The following TENT4B variants were observed in gnomAD, a reference collection of about 807,000 sequenced individuals.
TENT4B encodes the protein terminal nucleotidyltransferase 4B, also known as PAP associated domain containing 5.
TENT4B carries 10 observed loss-of-function variants against 75.0 expected under a neutral mutation model. That is an observed-to-expected ratio of 0.13 (90% CI 0.08 to 0.23). TENT4B has a LOEUF of 0.23. TENT4B is among the 10% of genes least tolerant of loss of function. The pLI, the probability that TENT4B is intolerant of heterozygous loss-of-function variation, is 1.00. For synonymous variants in TENT4B, 350 were observed against 357.7 expected (o/e 0.98, Z 0.24); for missense variants, 579 against 893.8 (o/e 0.65, Z 4.49).
intron 1 of TENT4B, among the ~76,000 whole-genome samples, chr16:50,203,551 A>G (rs1472176642): frequency 6.6e-6 from 1 of 152,246 alleles, no homozygotes; most frequent in Non-Finnish European, 1.5e-5. Context: ...CTCTGTGCAC[A>G]TGCAGACTTC....
intron 1 of TENT4B, among the ~76,000 whole-genome samples, chr16:50,192,722 A>G (rs1352394257): frequency 6.6e-6 from 1 of 152,274 alleles, no homozygotes; most frequent in South Asian, 2.1e-4. Flanking sequence ...GTACACTGTA[A>G]TTTGAATTGC....
At position 50,172,497 on chromosome 16, in the gene TENT4B, A is replaced by G. The variant is rs75839821; in HGVS notation, c.638+18238A>G. On this transcript the variant is annotated intron_variant, in intron 1 of 11. Transcript: ENST00000561678. ...TGGAGGGTTGACTATATATTTTAAT[A>G]GAATTTATTACTTTTTTTTTTTTTT... Among the ~76,000 whole-genome samples the G allele has an allele frequency of 2.1e-3, 267 of 127,378 alleles. 5 individuals carry two copies. In the East Asian group the frequency reaches 0.054, roughly 26 times the overall value. The allele number at this position is 127,378 out of a possible 152,430, so 83.6% of individuals were successfully genotyped here. A position where few individuals can be genotyped will look rare whatever the true frequency, so the allele number is the denominator to read the frequency against.
At chr16:50,189,489 C>G (rs2038598514) in intron 1 of TENT4B, among the ~76,000 whole-genome samples, 2 of 152,166 alleles carry the variant, frequency 1.3e-5, no homozygotes, top group African/African-American at 4.8e-5. Flanking sequence ...CCAGACAGGT[C>G]TGGGGGCAAA....
At chr16:50,187,898 G>C (rs1375956373) in intron 1 of TENT4B, among the ~76,000 whole-genome samples, 1 of 151,942 alleles carries the variant, frequency 6.6e-6, no homozygotes, top group Non-Finnish European at 1.5e-5. Context: ...AACCTCTGAT[G>C]CATAAAATAT....
chr16:50,229,515 AC>A lies in TENT4B; in HGVS notation c.*188del. ...ACAACTGCAAAAAAAACAAAACAAA[AC>A]AAAAAAAAAAGCAAGCAAAAAAGAG... On this transcript the variant is annotated 3_prime_UTR_variant, in exon 12 of 12. Transcript: ENST00000561678. The A allele has an allele frequency of 1.6e-6, 2 of 1,244,830 alleles. No individual in the cohort carries two copies. Among genetic ancestry groups the A allele is most frequent in the Non-Finnish European group, 2.0e-6 (2 of 996,692 alleles). 77.1% of individuals were successfully genotyped at this position (1,244,830 alleles called of 1,614,324 possible).
At chr16:50,218,325 G>A (rs546516444) in intron 5 of TENT4B, among the ~76,000 whole-genome samples, 1 of 151,854 alleles carries the variant, frequency 6.6e-6, no homozygotes, top group South Asian at 2.1e-4. Flanking sequence ...TGTGCGGGCA[G>A]TGAGCTGCAC....
rs1013035257 is a variant in TENT4B, at chr16:50,230,026, G to A, written c.*698G>A. The A allele has an allele frequency of 7.1e-6, 7 of 984,076 alleles. No homozygotes were observed. The African/African-American group carries it at 1.2e-4, about 17-fold the overall frequency. The allele number at this position is 984,076 out of a possible 1,614,324, so 61.0% of individuals were successfully genotyped here. A position where few individuals can be genotyped will look rare whatever the true frequency, so the allele number is the denominator to read the frequency against. On this transcript the variant is annotated 3_prime_UTR_variant, in exon 12 of 12. Coordinates refer to ENST00000561678, the MANE Select transcript of TENT4B (RefSeq NM_001365324.3). Reference sequence around the variant, plus strand: ...TACTCAATTTGTTTTTCTCAGCATTGAAATGACTTAATAGAACCCTTGTGT... The same window carrying A: ...TACTCAATTTGTTTTTCTCAGCATTAAAATGACTTAATAGAACCCTTGTGT...
chr16:50,153,140 C>G, upstream of TENT4B: 9 of 576,194 alleles, frequency 1.6e-5, no homozygotes, highest in Non-Finnish European at 2.0e-5. Context: ...CGGGCTGCTG[C>G]GCGGCGCAGC....
chr16:50,162,347 G>A (rs2038017724), intron 1 of TENT4B, among the ~76,000 whole-genome samples: 1 of 152,136 alleles, frequency 6.6e-6, no homozygotes, highest in African/African-American at 2.4e-5. Flanking sequence ...TGGATTGTAT[G>A]GTAAGTGCAT....
At chr16:50,157,188 C>T (rs1391983286) in intron 1 of TENT4B, among the ~76,000 whole-genome samples, 1 of 152,064 alleles carries the variant, frequency 6.6e-6, no homozygotes, top group Non-Finnish European at 1.5e-5. Flanking sequence ...GAGAGGAGAC[C>T]AGAAAGCATG....
In TENT4B at chr16:50,233,016, T is replaced by G; in HGVS notation, c.*3688T>G. On this transcript the variant is annotated 3_prime_UTR_variant, in exon 12 of 12. Transcript: ENST00000561678. ...ATTTATTCTTACCCATCTATTCTTGTTCTCCTAGTTCATTAAACTTTCAGT... is the reference window on the plus strand; with the variant it reads ...ATTTATTCTTACCCATCTATTCTTGGTCTCCTAGTTCATTAAACTTTCAGT... 1.0e-6 allele frequency: 1 copy of G among 984,732 alleles called. No homozygotes were observed. 61.0% of individuals were successfully genotyped at this position (984,732 alleles called of 1,614,324 possible).
chr16:50,206,670 C>T (rs889160139), intron 1 of TENT4B, among the ~76,000 whole-genome samples: 7 of 152,028 alleles, frequency 4.6e-5, no homozygotes, highest in Non-Finnish European at 7.4e-5. Flanking sequence ...TCATCTGCCT[C>T]CCTTGGCCTA....
chr16:50,164,456 C>T (rs977723965), intron 1 of TENT4B, among the ~76,000 whole-genome samples: 6 of 151,856 alleles, frequency 4.0e-5, no homozygotes, highest in African/African-American at 1.5e-4. Context: ...TTACAGGCGC[C>T]CACCACCATA....
At chr16:50,182,765 T>A (rs2038439497) in intron 1 of TENT4B, among the ~76,000 whole-genome samples, 1 of 152,036 alleles carries the variant, frequency 6.6e-6, no homozygotes, top group African/African-American at 2.4e-5. Flanking sequence ...AGTATTTCCA[T>A]CTGTGTTCCT....
intron 1 of TENT4B, among the ~76,000 whole-genome samples, chr16:50,183,233 G>A (rs1442331385): frequency 6.6e-6 from 1 of 151,760 alleles, no homozygotes; most frequent in Non-Finnish European, 1.5e-5. Flanking sequence ...TAGTAGAGAC[G>A]GGGTTCCTCC....
chr16:50,176,403 C>G (rs2038309991), intron 1 of TENT4B, among the ~76,000 whole-genome samples: 1 of 148,926 alleles, frequency 6.7e-6, no homozygotes, highest in South Asian at 2.1e-4. Flanking sequence ...ATTTGTAATC[C>G]AAGTTTTATT....
chr16:50,180,459 C>T (rs2038391932), intron 1 of TENT4B, among the ~76,000 whole-genome samples: 1 of 152,126 alleles, frequency 6.6e-6, no homozygotes, highest in African/African-American at 2.4e-5. Flanking sequence ...TGTAATCTCA[C>T]ACTTTGGGAG....
chr16:50,172,110 G>C (rs144648718), intron 1 of TENT4B, among the ~76,000 whole-genome samples: 2 of 152,096 alleles, frequency 1.3e-5, no homozygotes, highest in Admixed American at 6.6e-5. Flanking sequence ...AGAACTTTGA[G>C]AGGCCAAGGC....
chr16:50,162,928 TTGG>T (rs1567476049), intron 1 of TENT4B, among the ~76,000 whole-genome samples: 1 of 152,208 alleles, frequency 6.6e-6, no homozygotes, highest in Non-Finnish European at 1.5e-5. Context: ...TGGTTTGTTG[TTGG>T]TGGTGGTAAA....
Sources: allele counts gnomAD v4.1 joint callset (sites outside exome capture counted in the v4.1 genomes callset), GRCh38; gene constraint gnomAD v4.1.1; transcripts MANE v1.5; gene names NCBI Gene and HGNC (gene_info 2026-07-23, HGNC 2026-07-21).